The following HIVEP1 variants were observed in gnomAD, a reference collection of about 807,000 sequenced individuals.
The protein encoded by HIVEP1 is zinc finger protein 40.
Under a neutral mutation model 180.0 loss-of-function variants are expected in HIVEP1, and 36 were observed. The observed-to-expected ratio is 0.20, with a 90% CI of 0.15 to 0.26. The LOEUF (loss-of-function observed/expected upper bound fraction) is 0.26, where lower values mean the gene tolerates loss of function less well. Ranked by LOEUF, HIVEP1 falls within the 10% of genes least tolerant of loss-of-function variation. The probability of loss-of-function intolerance (pLI) is 1.00; values close to 1 mark genes in which losing one functional copy is unlikely to be tolerated. For missense variants in HIVEP1, 3,143 were observed against 3,268.7 expected (o/e 0.96, Z 0.94); for synonymous variants, 1,239 against 1,239.0 (o/e 1.00, Z 0.00).
chr6:12,162,953 G>A (rs1453533913), intron 8 of HIVEP1, among the ~76,000 whole-genome samples: 1 of 152,152 alleles, frequency 6.6e-6, no homozygotes. Context: ...AAAAATAGCA[G>A]CTTAAGAATA....
intron 2 of HIVEP1, among the ~76,000 whole-genome samples, chr6:12,088,417 A>T (rs1456021469): frequency 1.3e-5 from 2 of 152,130 alleles, no homozygotes; most frequent in African/African-American, 4.8e-5. Context: ...ATTACTGCCC[A>T]TGTCATGAAG....
chr6:12,166,557 C>T (rs866688562), downstream of HIVEP1, among the ~76,000 whole-genome samples: 14 of 152,140 alleles, frequency 9.2e-5, no homozygotes, highest in Admixed American at 4.6e-4. Flanking sequence ...TTGAAATATG[C>T]AGCTCTATAA....
chr6:12,139,047 C>G (rs887958338), intron 7 of HIVEP1, among the ~76,000 whole-genome samples: 8 of 152,054 alleles, frequency 5.3e-5, no homozygotes, highest in Non-Finnish European at 1.5e-5. Context: ...CCTGATTGGT[C>G]TCTGTGGTTC....
chr6:12,167,673 C>CGT (rs1156664596), downstream of HIVEP1, among the ~76,000 whole-genome samples: 848 of 17,640 alleles, frequency 0.048, 30 homozygotes, highest in Non-Finnish European at 0.059. Flanking sequence ...TACATATATA[C>CGT]ATATATGTGT....
the HIVEP1 span, among the ~76,000 whole-genome samples, chr6:12,206,928 C>A: frequency 1.3e-5 from 2 of 152,124 alleles, no homozygotes; most frequent in African/African-American, 4.8e-5. Context: ...GGAGTGATCA[C>A]CTAGGTCTCT....
rs759015780 is a variant in HIVEP1 at position 12,121,478 on chromosome 6, G to A, written c.1683G>A (p.Pro561=). 15 of 1,614,042 alleles carry A rather than the reference G, an allele frequency of 9.3e-6. No homozygotes were observed. The highest frequency in any genetic ancestry group is 4.5e-5 in the East Asian group (2 of 44,898). ...SAESQAVTEL[P]KVVVHHVTVS... ...AATCACAAGCTGTGACAGAGTTACC[G>A]AAAGTTGTGGTCCACCATGTCACTG... The change falls in exon 4 of 9, where the codon CCG becomes CCA. Residue 561 remains proline, a synonymous_variant. Coordinates refer to ENST00000379388, the MANE Select transcript of HIVEP1 (RefSeq NM_002114.4). The surrounding 1 kb of genome is among the most constrained non-coding windows in gnomAD (Gnocchi z 5.3).
At chr6:12,050,442 C>T (rs535055021) in intron 2 of HIVEP1, among the ~76,000 whole-genome samples, 26 of 152,160 alleles carry the variant, frequency 1.7e-4, no homozygotes, top group Admixed American at 5.2e-4. Context: ...AAACACTAGC[C>T]GGGCGTAGTG....
chr6:12,114,920 T>C (rs1024527093), intron 3 of HIVEP1, among the ~76,000 whole-genome samples: 3 of 152,194 alleles, frequency 2.0e-5, no homozygotes, highest in African/African-American at 4.8e-5. Flanking sequence ...CCGAGCATGA[T>C]CTCAATTGTT....
chr6:12,017,543 T>C (rs1275323826), intron 2 of HIVEP1, among the ~76,000 whole-genome samples: 1 of 152,260 alleles, frequency 6.6e-6, no homozygotes, highest in Non-Finnish European at 1.5e-5. Context: ...TTGCAACTGC[T>C]GCCTCCGGCA....
At chr6:12,031,447 T>TG (rs1339201240) in intron 2 of HIVEP1, among the ~76,000 whole-genome samples, 1 of 152,224 alleles carries the variant, frequency 6.6e-6, no homozygotes, top group Non-Finnish European at 1.5e-5. Flanking sequence ...TCTAGTCTCT[T>TG]GCTTGCCCTC....
the HIVEP1 span, among the ~76,000 whole-genome samples, chr6:12,171,082 G>A: frequency 1.3e-5 from 2 of 152,158 alleles, no homozygotes; most frequent in Non-Finnish European, 2.9e-5. Context: ...CAAAAGCCTT[G>A]GCACTTGGAT....
At chr6:12,187,392 T>C in the HIVEP1 span, among the ~76,000 whole-genome samples, 2 of 151,996 alleles carry the variant, frequency 1.3e-5, no homozygotes, top group African/African-American at 4.8e-5. Flanking sequence ...TCTCCCTCTG[T>C]TAGTTGCACA....
At chr6:12,108,757 C>A (rs773508694) in intron 3 of HIVEP1, among the ~76,000 whole-genome samples, 9 of 152,164 alleles carry the variant, frequency 5.9e-5, no homozygotes, top group Admixed American at 2.6e-4. Context: ...CCCCGGTTCC[C>A]GCTCGCGCCT....
At chr6:12,158,017 A>G (rs1443230367) in intron 7 of HIVEP1, among the ~76,000 whole-genome samples, 3 of 152,130 alleles carry the variant, frequency 2.0e-5, no homozygotes, top group Non-Finnish European at 2.9e-5. Context: ...GTTATTGTCT[A>G]CCTTTCCCTT....
intron 3 of HIVEP1, among the ~76,000 whole-genome samples, chr6:12,100,582 C>G (rs1774060956): frequency 6.6e-6 from 1 of 152,188 alleles, no homozygotes; most frequent in Admixed American, 6.5e-5. Flanking sequence ...TCTTTGGAAT[C>G]TTTCTCATGA....
the HIVEP1 span, among the ~76,000 whole-genome samples, chr6:12,211,325 G>A: frequency 1.2e-3 from 125 of 103,420 alleles, 13 homozygotes; most frequent in Admixed American, 4.1e-3. Context: ...GCGTGAACCC[G>A]GGAGGCGGAG....
intron 7 of HIVEP1, 140 bp from the exon 8 acceptor site, chr6:12,161,299 C>A: frequency 1.3e-6 from 1 of 784,458 alleles, no homozygotes; most frequent in Non-Finnish European, 2.1e-6. Flanking sequence ...GCCTTCTCAG[C>A]CAGGGCGGAG....
chr6:12,188,754 TA>T, the HIVEP1 span, among the ~76,000 whole-genome samples: 7 of 152,152 alleles, frequency 4.6e-5, no homozygotes, highest in Admixed American at 3.9e-4. Flanking sequence ...TTCAATATTG[TA>T]AAGTTCAATT....
the HIVEP1 span, among the ~76,000 whole-genome samples, chr6:12,191,894 T>G: frequency 3.9e-5 from 6 of 152,196 alleles, no homozygotes; most frequent in African/African-American, 1.4e-4. Flanking sequence ...GAAAAATATA[T>G]AATGTCATTT....
Sources: gnomAD v4.1 joint callset for allele counts (sites outside exome capture counted in the v4.1 genomes callset) on GRCh38, gnomAD v4.1.1 for gene constraint, Gnocchi (gnomAD v3.1) non-coding constraint, MANE v1.5 for transcripts, NCBI Gene and HGNC (gene_info 2026-07-23, HGNC 2026-07-21) for gene names.